CNTNAP2: variants seen among roughly 807,000 people sequenced by gnomAD.
The protein encoded by CNTNAP2 is contactin-associated protein-like 2.
In CNTNAP2, 98 loss-of-function variants were observed where a neutral mutation model predicts 155.2. The observed-to-expected ratio is 0.63, with a 90% CI of 0.54 to 0.75. The LOEUF is 0.75. CNTNAP2 is among the 30% of genes least tolerant of loss of function. The pLI, the probability that CNTNAP2 is intolerant of heterozygous loss-of-function variation, is 0.00. For missense variants in CNTNAP2, 1,727 were observed against 1,688.1 expected (o/e 1.02, Z -0.40); for synonymous variants, 651 against 631.2 (o/e 1.03, Z -0.47).
intron 10 of CNTNAP2, among the ~76,000 whole-genome samples, chr7:147,457,560 G>GTTTT (rs66790316): frequency 3.3e-4 from 49 of 150,738 alleles, no homozygotes; most frequent in African/African-American, 1.1e-3. Flanking sequence ...GATATGAGAG[G>GTTTT]TTTTTTTTCC....
chr7:147,295,447 T>C (rs1805419664), intron 8 of CNTNAP2, among the ~76,000 whole-genome samples: 1 of 152,214 alleles, frequency 6.6e-6, no homozygotes, highest in South Asian at 2.1e-4. Flanking sequence ...TGTTACCATC[T>C]ATAGGATGCT....
At position 146,355,884 on chromosome 7, in the gene CNTNAP2, A is replaced by G. The variant is rs117046504; in HGVS notation, c.97+238911A>G. On this transcript the variant is annotated intron_variant, in intron 1 of 23. Coordinates refer to ENST00000361727, the MANE Select transcript of CNTNAP2 (RefSeq NM_014141.6). Reference sequence around the variant, plus strand: ...TCATTGTTTGTCTTAAGTACTCTACATTTTGTAAGCATTGATCTCATCTTT... The same window carrying G: ...TCATTGTTTGTCTTAAGTACTCTACGTTTTGTAAGCATTGATCTCATCTTT... Among the ~76,000 whole-genome samples the G allele has an allele frequency of 1.2e-3, 185 of 152,220 alleles. 4 individuals are homozygous for G. In the East Asian group the frequency reaches 0.034, roughly 28 times the overall value.
chr7:146,444,270 C>G (rs1796369844), intron 1 of CNTNAP2, among the ~76,000 whole-genome samples: 1 of 152,146 alleles, frequency 6.6e-6, no homozygotes, highest in Non-Finnish European at 1.5e-5. Context: ...AGTGATCCAC[C>G]CACCTCAGCC....
rs1225706410 is a variant in CNTNAP2 at position 146,375,884 on chromosome 7, G to A, written c.97+258911G>A. 2.6e-5 allele frequency among the ~76,000 whole-genome samples: 4 copies of A among 152,110 alleles called. No individual in the cohort carries two copies. The East Asian group carries it at 7.7e-4, about 29-fold the overall frequency. Reference sequence around the variant, plus strand: ...TCCCTTAAACTATCCCTTCATCACTGTATGCCAGATACGTGGGAAAATCTC... The same window carrying A: ...TCCCTTAAACTATCCCTTCATCACTATATGCCAGATACGTGGGAAAATCTC... On this transcript the variant is annotated intron_variant, in intron 1 of 23. Coordinates refer to ENST00000361727, the MANE Select transcript of CNTNAP2 (RefSeq NM_014141.6).
chr7:146,665,029 A>G (rs1275718985), intron 1 of CNTNAP2, among the ~76,000 whole-genome samples: 9 of 152,100 alleles, frequency 5.9e-5, no homozygotes, highest in Admixed American at 3.9e-4. Context: ...GCTCACTGCA[A>G]CTTCTACCTC....
At chr7:146,771,619 C>A (rs1802293887) in intron 1 of CNTNAP2, among the ~76,000 whole-genome samples, 1 of 152,002 alleles carries the variant, frequency 6.6e-6, no homozygotes, top group African/African-American at 2.4e-5. Flanking sequence ...TACACACATG[C>A]CATATTTCAC....
intron 4 of CNTNAP2, among the ~76,000 whole-genome samples, chr7:147,053,797 T>A (rs1394621585): frequency 6.6e-6 from 1 of 152,092 alleles, no homozygotes; most frequent in African/African-American, 2.4e-5. Flanking sequence ...CACATTTTGG[T>A]GCCTGGTTAA....
At chr7:148,041,482 G>A (rs1056882635) in intron 15 of CNTNAP2, among the ~76,000 whole-genome samples, 4 of 152,230 alleles carry the variant, frequency 2.6e-5, no homozygotes, top group Admixed American at 2.6e-4. Context: ...ACGGAGAACC[G>A]TGGCATTTCA....
intron 4 of CNTNAP2, among the ~76,000 whole-genome samples, chr7:147,105,412 T>A (rs931858920): frequency 5.9e-5 from 9 of 151,864 alleles, no homozygotes; most frequent in African/African-American, 2.2e-4. Flanking sequence ...AATCACCGCA[T>A]CGAAAACTTA....
At chr7:147,672,150 T>C (rs770054271) in intron 13 of CNTNAP2, 3 of 152,198 alleles carry the variant, frequency 2.0e-5, no homozygotes, top group Admixed American at 6.5e-5. Context: ...TGAGATGATA[T>C]GTCAAATCTG....
At chr7:147,415,208 C>T (rs1035393474) in intron 10 of CNTNAP2, among the ~76,000 whole-genome samples, 4 of 152,122 alleles carry the variant, frequency 2.6e-5, no homozygotes, top group Admixed American at 6.5e-5. Flanking sequence ...CCCTTATTCT[C>T]CCACCTTGGT....
intron 3 of CNTNAP2, among the ~76,000 whole-genome samples, chr7:146,906,515 C>A (rs1384866114): frequency 2.0e-5 from 3 of 152,188 alleles, no homozygotes; most frequent in African/African-American, 7.2e-5. Context: ...AGCAGCCTAA[C>A]TGGGAGGCAC....
At chr7:148,066,510 T>C (rs1803266335) in intron 15 of CNTNAP2, among the ~76,000 whole-genome samples, 1 of 152,102 alleles carries the variant, frequency 6.6e-6, no homozygotes, top group South Asian at 2.1e-4. Flanking sequence ...TCTTTTTTTT[T>C]AGTTTGAGAT....
chr7:147,146,930 A>T (rs1381228079), intron 8 of CNTNAP2, among the ~76,000 whole-genome samples: 2 of 152,220 alleles, frequency 1.3e-5, no homozygotes, highest in Middle Eastern at 3.2e-3. Flanking sequence ...CTGGGATCAC[A>T]TAGAAGCTTA....
intron 1 of CNTNAP2, among the ~76,000 whole-genome samples, chr7:146,722,212 G>A (rs1472682923): frequency 2.0e-5 from 3 of 151,616 alleles, no homozygotes; most frequent in South Asian, 2.1e-4. Context: ...CATATTAAAC[G>A]ATAAGGTGCT....
intron 1 of CNTNAP2, among the ~76,000 whole-genome samples, chr7:146,198,402 C>G (rs760847966): frequency 6.6e-6 from 1 of 152,014 alleles, no homozygotes; most frequent in Non-Finnish European, 1.5e-5. Context: ...ATGACTTATT[C>G]GTTATATTGA....
chr7:147,029,628 C>T (rs566500191), intron 3 of CNTNAP2, among the ~76,000 whole-genome samples: 2 of 151,560 alleles, frequency 1.3e-5, no homozygotes, highest in South Asian at 4.2e-4. Flanking sequence ...AGAATTGTCA[C>T]TTATTTTAGC....
intron 1 of CNTNAP2, among the ~76,000 whole-genome samples, chr7:146,139,250 T>A (rs527323949): frequency 6.6e-6 from 1 of 152,262 alleles, no homozygotes; most frequent in African/African-American, 2.4e-5. Flanking sequence ...TTCTACCGAA[T>A]GAGTATTGCT....
At chr7:146,805,516 A>G (rs917185546) in intron 2 of CNTNAP2, among the ~76,000 whole-genome samples, 2 of 152,180 alleles carry the variant, frequency 1.3e-5, no homozygotes, top group Non-Finnish European at 2.9e-5. Context: ...CCAATTCTCA[A>G]GAAGAAGTAA....
Sources: allele counts gnomAD v4.1 joint callset (sites outside exome capture counted in the v4.1 genomes callset), GRCh38; gene constraint gnomAD v4.1.1; transcripts MANE v1.5; gene names NCBI Gene and HGNC (gene_info 2026-07-23, HGNC 2026-07-21).